The following EXOC6B variants were observed in gnomAD, a reference collection of about 807,000 sequenced individuals.
EXOC6B encodes SEC15 homolog B.
A neutral mutation model predicts 113.5 loss-of-function variants in EXOC6B; 54 were observed. The ratio of observed to expected loss-of-function variants is 0.48; its 90% CI spans 0.38 to 0.60. The LOEUF (loss-of-function observed/expected upper bound fraction) is 0.60, where lower values mean the gene tolerates loss of function less well. Ranked by LOEUF, EXOC6B falls within the 20% of genes least tolerant of loss-of-function variation. The probability of loss-of-function intolerance (pLI) is 0.00; values close to 1 mark genes in which losing one functional copy is unlikely to be tolerated. For synonymous variants in EXOC6B, 357 were observed against 339.0 expected (o/e 1.05, Z -0.58); for missense variants, 797 against 977.5 (o/e 0.82, Z 2.46).
intron 1 of EXOC6B, among the ~76,000 whole-genome samples, chr2:72,806,320 G>T (rs1685571412): frequency 6.6e-6 from 1 of 152,120 alleles, no homozygotes; most frequent in Admixed American, 6.5e-5. Flanking sequence ...TAGGAATATG[G>T]CCTCCAGCTG....
chr2:72,653,779 T>C (rs1674386780), intron 6 of EXOC6B, among the ~76,000 whole-genome samples: 1 of 152,002 alleles, frequency 6.6e-6, no homozygotes. Context: ...TTATCAAATA[T>C]ATTTTTCCCA....
At chr2:72,690,909 G>C (rs1483810119) in intron 6 of EXOC6B, among the ~76,000 whole-genome samples, 3 of 152,140 alleles carry the variant, frequency 2.0e-5, no homozygotes, top group Non-Finnish European at 4.4e-5. Flanking sequence ...CTTTGCAGAT[G>C]TAATAAAGTT....
intron 6 of EXOC6B, among the ~76,000 whole-genome samples, chr2:72,678,356 A>G (rs562487029): frequency 1.3e-5 from 2 of 152,320 alleles, no homozygotes; most frequent in East Asian, 1.9e-4. Context: ...TTCACTGCCC[A>G]GTAGTGAAAC....
intron 19 of EXOC6B, among the ~76,000 whole-genome samples, chr2:72,347,624 CAAT>C (rs1279888689): frequency 1.3e-5 from 2 of 152,050 alleles, no homozygotes; most frequent in African/African-American, 4.8e-5. Flanking sequence ...TTATTTAACT[CAAT>C]ATATCTAAAA....
chr2:72,626,219 T>C (rs1232481776), intron 6 of EXOC6B, among the ~76,000 whole-genome samples: 1 of 152,108 alleles, frequency 6.6e-6, no homozygotes, highest in Non-Finnish European at 1.5e-5. Context: ...CATTCAACAA[T>C]AGAAGTGAAA....
intron 6 of EXOC6B, among the ~76,000 whole-genome samples, chr2:72,652,626 C>T (rs910286831): frequency 5.3e-5 from 8 of 150,368 alleles, no homozygotes; most frequent in African/African-American, 1.9e-4. Flanking sequence ...GAAAACTATT[C>T]ACCATCAATA....
intron 5 of EXOC6B, among the ~76,000 whole-genome samples, chr2:72,722,302 T>C (rs1289291917): frequency 2.6e-5 from 4 of 152,148 alleles, no homozygotes; most frequent in Non-Finnish European, 5.9e-5. Context: ...ATATTTGGTA[T>C]AGGAAAAATT....
At chr2:72,601,480 C>T (rs1420072288) in intron 6 of EXOC6B, among the ~76,000 whole-genome samples, 1 of 152,076 alleles carries the variant, frequency 6.6e-6, no homozygotes, top group Non-Finnish European at 1.5e-5. Flanking sequence ...CCACCGCGCC[C>T]AGCCTGTATG....
intron 19 of EXOC6B, among the ~76,000 whole-genome samples, chr2:72,359,852 C>G (rs1690198753): frequency 6.6e-6 from 1 of 151,164 alleles, no homozygotes; most frequent in Admixed American, 6.6e-5. Flanking sequence ...GCTTGGTGCC[C>G]TCCCCACAGT....
chr2:72,358,411 GT>G (rs1690100082), intron 19 of EXOC6B, among the ~76,000 whole-genome samples: 1 of 152,050 alleles, frequency 6.6e-6, no homozygotes, highest in Admixed American at 6.6e-5. Flanking sequence ...ATAGCTAGTC[GT>G]TGGCAAAATT....
chr2:72,236,389 G>A (rs1681961033), intron 20 of EXOC6B, among the ~76,000 whole-genome samples: 1 of 152,166 alleles, frequency 6.6e-6, no homozygotes, highest in Non-Finnish European at 1.5e-5. Context: ...TGAGGGCAAA[G>A]AGAAATAGAA....
At chr2:72,346,909 G>GGA (rs1195238744) in intron 19 of EXOC6B, among the ~76,000 whole-genome samples, 5 of 152,034 alleles carry the variant, frequency 3.3e-5, no homozygotes, top group African/African-American at 4.8e-5. Flanking sequence ...CAAGATGAAA[G>GGA]GAGTATTTGT....
At chr2:72,570,804 T>C (rs1704469441) in intron 7 of EXOC6B, among the ~76,000 whole-genome samples, 2 of 152,202 alleles carry the variant, frequency 1.3e-5, no homozygotes, top group Non-Finnish European at 2.9e-5. Context: ...TTTTTGTTTA[T>C]AGTAGATGAT....
At chr2:72,302,557 A>C (rs1420045663) in intron 20 of EXOC6B, among the ~76,000 whole-genome samples, 1 of 152,202 alleles carries the variant, frequency 6.6e-6, no homozygotes, top group Non-Finnish European at 1.5e-5. Flanking sequence ...TTCTTGTTGA[A>C]TTGAACCCTT....
intron 18 of EXOC6B, among the ~76,000 whole-genome samples, chr2:72,384,573 T>C (rs745888963): frequency 2.0e-5 from 3 of 152,190 alleles, no homozygotes; most frequent in Admixed American, 6.5e-5. Flanking sequence ...TGAAGTTAAA[T>C]TGTTCACTAA....
chr2:72,327,598 GA>G (rs933317947), intron 20 of EXOC6B, among the ~76,000 whole-genome samples: 139 of 152,178 alleles, frequency 9.1e-4, no homozygotes, highest in African/African-American at 3.3e-3. Context: ...CATCTTACAT[GA>G]TTTTCTATAC....
intron 6 of EXOC6B, among the ~76,000 whole-genome samples, chr2:72,659,172 T>C (rs951956211): frequency 1.3e-5 from 2 of 152,156 alleles, no homozygotes; most frequent in East Asian, 3.8e-4. Flanking sequence ...GTCTTTTGAC[T>C]ACATTTTAAT....
At chr2:72,656,896 G>A (rs1288618505) in intron 6 of EXOC6B, among the ~76,000 whole-genome samples, 1 of 152,180 alleles carries the variant, frequency 6.6e-6, no homozygotes, top group African/African-American at 2.4e-5. Flanking sequence ...TTGTTGCCCA[G>A]GCTGGAGTCC....
intron 6 of EXOC6B, among the ~76,000 whole-genome samples, chr2:72,664,265 G>C (rs1325399772): frequency 6.6e-6 from 1 of 152,068 alleles, no homozygotes; most frequent in Non-Finnish European, 1.5e-5. Context: ...ACTTCAAACA[G>C]ATCTTCAGAG....
Sources: allele counts gnomAD v4.1 joint callset (sites outside exome capture counted in the v4.1 genomes callset), GRCh38; gene constraint gnomAD v4.1.1; transcripts MANE v1.5; gene names NCBI Gene and HGNC (gene_info 2026-07-23, HGNC 2026-07-21).